Variants in CFAP144 observed in about 807,000 individuals in gnomAD.
CFAP144 encodes the protein cilia and flagella associated protein 144, also known as cilia- and flagella-associated protein 144.
the CFAP144 span, among the ~76,000 whole-genome samples, chr1:43,148,916 A>G: frequency 6.6e-6 from 1 of 152,066 alleles, no homozygotes; most frequent in African/African-American, 2.4e-5. Context: ...GAAAGACACC[A>G]TCATGCATAT....
At chr1:43,147,730 G>T in the CFAP144 span, 1 of 1,407,688 alleles carries the variant, frequency 7.1e-7, no homozygotes, top group Non-Finnish European at 9.2e-7. Context: ...TACAGTGCCA[G>T]AATAGGGCGG....
chr1:43,155,691 G>T, the CFAP144 span, among the ~76,000 whole-genome samples: 2 of 152,212 alleles, frequency 1.3e-5, no homozygotes, highest in African/African-American at 4.8e-5. Flanking sequence ...GAAGCTCCCT[G>T]CCCCCTGGCA....
chr1:43,148,178 G>C, the CFAP144 span: 1 of 1,343,212 alleles, frequency 7.4e-7, no homozygotes, highest in East Asian at 2.4e-5. Context: ...CGCGGTCCCA[G>C]CAAAAACTCT....
At chr1:43,150,024 C>G in the CFAP144 span, among the ~76,000 whole-genome samples, 17 of 152,150 alleles carry the variant, frequency 1.1e-4, no homozygotes, top group Non-Finnish European at 5.9e-5. Flanking sequence ...ACACACAGCA[C>G]ATTCCCTCAC....
the CFAP144 span, among the ~76,000 whole-genome samples, chr1:43,152,339 AC>A: frequency 6.6e-6 from 1 of 151,948 alleles, no homozygotes; most frequent in South Asian, 2.1e-4. Context: ...ATGCCTCAGG[AC>A]CTTTGCTCTT....
the CFAP144 span, among the ~76,000 whole-genome samples, chr1:43,145,741 AG>A: frequency 6.6e-6 from 1 of 152,224 alleles, no homozygotes. Context: ...GAACTTGACA[AG>A]CTCATTATAA....
chr1:43,153,070 C>T, the CFAP144 span: 1 of 1,026,822 alleles, frequency 9.7e-7, no homozygotes, highest in Non-Finnish European at 1.4e-6. Context: ...TTACTAAGCT[C>T]TCTTATGACT....
At chr1:43,144,945 G>T in the CFAP144 span, among the ~76,000 whole-genome samples, 1 of 152,222 alleles carries the variant, frequency 6.6e-6, no homozygotes, top group Non-Finnish European at 1.5e-5. Flanking sequence ...TGGATTCCCA[G>T]CAGCTTGGCC....
At chr1:43,149,125 T>C in the CFAP144 span, among the ~76,000 whole-genome samples, 1 of 152,166 alleles carries the variant, frequency 6.6e-6, no homozygotes, top group Non-Finnish European at 1.5e-5. Flanking sequence ...TTTGCTAGCT[T>C]AGCACTATGC....
chr1:43,147,367 A>C, the CFAP144 span, among the ~76,000 whole-genome samples: 1 of 141,380 alleles, frequency 7.1e-6, no homozygotes. Context: ...TATTACGTGC[A>C]TTTTAAACAC....
chr1:43,150,986 A>T, the CFAP144 span, among the ~76,000 whole-genome samples: 7 of 152,310 alleles, frequency 4.6e-5, no homozygotes, highest in African/African-American at 1.7e-4. Flanking sequence ...GGATACTCAG[A>T]CAGTCTGTGG....
chr1:43,150,644 G>A, the CFAP144 span: 1 of 823,930 alleles, frequency 1.2e-6, no homozygotes, highest in East Asian at 2.7e-5. Context: ...ATAATACCTG[G>A]CATGTACCAG....
chr1:43,145,328 G>T, the CFAP144 span: 1 of 1,499,878 alleles, frequency 6.7e-7, no homozygotes, highest in Non-Finnish European at 9.1e-7. Flanking sequence ...CTGCATTCAA[G>T]TGAGTGCAAC....
the CFAP144 span, among the ~76,000 whole-genome samples, chr1:43,150,976 G>A: frequency 6.6e-6 from 1 of 151,824 alleles, no homozygotes; most frequent in Admixed American, 6.6e-5. Context: ...CAAAAAAGAC[G>A]GATACTCAGA....
the CFAP144 span, among the ~76,000 whole-genome samples, chr1:43,146,438 C>T: frequency 1.3e-5 from 2 of 152,010 alleles, no homozygotes; most frequent in Admixed American, 1.3e-4. Flanking sequence ...ATAAAAGTAA[C>T]CTCAGGTCAT....
the CFAP144 span, chr1:43,152,681 A>T: frequency 3.9e-6 from 3 of 774,206 alleles, no homozygotes; most frequent in Non-Finnish European, 6.0e-6. Flanking sequence ...GAGTGGAGAG[A>T]CCAGACACCC....
At chr1:43,148,131 C>G in the CFAP144 span, 2 of 1,514,786 alleles carry the variant, frequency 1.3e-6, no homozygotes, top group Non-Finnish European at 8.9e-7. Flanking sequence ...GGGAGGGCGC[C>G]GGGGAAGGAG....
At chr1:43,148,028 A>G in the CFAP144 span, 81 of 1,613,902 alleles carry the variant, frequency 5.0e-5, no homozygotes, top group Non-Finnish European at 6.4e-5. Flanking sequence ...CTGTACCTCA[A>G]GGAGCTACGA....
At chr1:43,149,787 A>G in the CFAP144 span, among the ~76,000 whole-genome samples, 2 of 152,256 alleles carry the variant, frequency 1.3e-5, no homozygotes, top group African/African-American at 4.8e-5. Context: ...ATTTGCTAAT[A>G]TACTGATAAT....
Sources: allele counts gnomAD v4.1 joint callset (sites outside exome capture counted in the v4.1 genomes callset), GRCh38; gene constraint gnomAD v4.1.1; transcripts MANE v1.5; gene names NCBI Gene and HGNC (gene_info 2026-07-23, HGNC 2026-07-21).